Variants in CAPRIN2 observed in about 807,000 individuals in gnomAD.
CAPRIN2 encodes caprin-2.
In CAPRIN2, 66 loss-of-function variants were observed where a neutral mutation model predicts 130.4. That is an observed-to-expected ratio of 0.51 (90% CI 0.42 to 0.62). The LOEUF (loss-of-function observed/expected upper bound fraction) is 0.62, where lower values mean the gene tolerates loss of function less well. Ranked by LOEUF, CAPRIN2 falls within the 20% of genes least tolerant of loss-of-function variation. The pLI is 0.00. For synonymous variants in CAPRIN2, 471 were observed against 444.1 expected (o/e 1.06, Z -0.76); for missense variants, 1,185 against 1,246.6 (o/e 0.95, Z 0.74).
chr12:30,724,323 C>T (rs2060258852), intron 10 of CAPRIN2, 47 bp downstream of exon 11: 7 of 1,076,170 alleles, frequency 6.5e-6, no homozygotes, highest in Admixed American at 1.8e-5. Context: ...CAACAAATAG[C>T]TGTTAGCTCA....
chr12:30,753,316 T>C (rs757550660), intron 1 of CAPRIN2, 28 bp downstream of exon 2: 8 of 1,557,084 alleles, frequency 5.1e-6, no homozygotes, highest in Non-Finnish European at 7.0e-6. Context: ...AGATCATGCA[T>C]CTACAGGACT....
chr12:30,709,780 C>A, exon 17 of CAPRIN2: 1 of 1,133,030 alleles, frequency 8.8e-7, no homozygotes, highest in Non-Finnish European at 1.2e-6. Context: ...AAAGTAAGGA[C>A]CTCCTCCCTC....
chr12:30,720,932 A>G lies in CAPRIN2; in HGVS notation c.2044-17T>C. Reference sequence around the variant, plus strand: ...AGAAGTAGCCTAGACACAGGAAAATACAAAATATTGTAAAAGGCACATTTT... The same window carrying G: ...AGAAGTAGCCTAGACACAGGAAAATGCAAAATATTGTAAAAGGCACATTTT... On this transcript the variant is annotated splice_polypyrimidine_tract_variant and intron_variant, in intron 11 of 16. Coordinates refer to ENST00000298892, the Ensembl canonical transcript of CAPRIN2. 6.4e-7 allele frequency: 1 copy of G among 1,556,342 alleles called. No individual in the cohort carries two copies.
At position 30,710,412 on chromosome 12, in the gene CAPRIN2, G is replaced by A. The variant is rs201095477; in HGVS notation, c.2724C>T (p.Asn908=). The A allele has an allele frequency of 1.9e-6, 3 of 1,614,150 alleles. No individual in the cohort carries two copies. The highest frequency in any genetic ancestry group is 2.7e-5 in the African/African-American group (2 of 75,040). ...AGTCTCCTTGTCCAGAGTCACCACTGTTAAAGGTTTCGTTGTCTCTTTCTG... is the reference window on the plus strand; with the variant it reads ...AGTCTCCTTGTCCAGAGTCACCACTATTAAAGGTTTCGTTGTCTCTTTCTG... The change falls in exon 17 of 17, where the codon AAC becomes AAT. Residue 908 remains asparagine, a synonymous_variant. Transcript: ENST00000298892. The surrounding 1 kb of genome is among the most constrained non-coding windows in gnomAD (Gnocchi z 4.8).
At chr12:30,724,108 C>A (rs559141032) in intron 10 of CAPRIN2, among the ~76,000 whole-genome samples, 1 of 152,308 alleles carries the variant, frequency 6.6e-6, no homozygotes, top group South Asian at 2.1e-4. Flanking sequence ...CCACCAACAA[C>A]ATAAATTACA....
chr12:30,747,039 A>G (rs2070885229), intron 2 of CAPRIN2, among the ~76,000 whole-genome samples: 1 of 152,176 alleles, frequency 6.6e-6, no homozygotes. Context: ...GGTCTAATGC[A>G]GCTGATGACT....
chr12:30,715,712 A>G (rs2057323963), intron 13 of CAPRIN2: 1 of 217,486 alleles, frequency 4.6e-6, no homozygotes, highest in African/African-American at 2.4e-5. Flanking sequence ...AGCAGGCTAA[A>G]TACTCCAGAT....
At chr12:30,753,735 AATG>A (rs1386518376) in exon 1 of CAPRIN2, 1 of 1,612,298 alleles carries the variant, frequency 6.2e-7, no homozygotes, top group African/African-American at 1.3e-5. Flanking sequence ...CTCGAAACCC[AATG>A]ATGCTTGAGA....
At chr12:30,740,953 C>A in intron 3 of CAPRIN2, 67 bp downstream of exon 4, 2 of 912,192 alleles carry the variant, frequency 2.2e-6, no homozygotes, top group Non-Finnish European at 3.6e-6. Context: ...GACACTGACA[C>A]ACTGACATTT....
At chr12:30,746,680 C>A (rs1175903658) in intron 2 of CAPRIN2, among the ~76,000 whole-genome samples, 1 of 152,178 alleles carries the variant, frequency 6.6e-6, no homozygotes, top group African/African-American at 2.4e-5. Flanking sequence ...TAGTCTAGAA[C>A]AAGACCCTAA....
exon 1 of CAPRIN2, chr12:30,754,243 G>C (rs981222841): frequency 1.3e-5 from 2 of 156,240 alleles, no homozygotes; most frequent in African/African-American, 4.8e-5. Flanking sequence ...GTTTGGTTTA[G>C]ACTAGCCCAA....
At chr12:30,753,629 G>C in exon 1 of CAPRIN2, 1 of 1,614,170 alleles carries the variant, frequency 6.2e-7, no homozygotes, top group African/African-American at 1.3e-5. Flanking sequence ...GTGGGGGAAA[G>C]TTAAGTATAA....
chr12:30,739,696 C>G (rs2066497580), intron 3 of CAPRIN2, among the ~76,000 whole-genome samples: 2 of 144,010 alleles, frequency 1.4e-5, no homozygotes, highest in Admixed American at 1.4e-4. Context: ...GCCTGGGCGA[C>G]AGGGCAAGAC....
chr12:30,751,064 C>T lies in CAPRIN2; in HGVS notation c.483+7G>A. 4 of 1,609,424 alleles carry T rather than the reference C, an allele frequency of 2.5e-6. No homozygotes were observed. In the South Asian group the frequency reaches 4.4e-5, roughly 18 times the overall value. On this transcript the variant is annotated splice_region_variant and intron_variant, in intron 2 of 16. Transcript: ENST00000298892. ...CAAGTCTTACTAAAAGATCATAAGC[C>T]ACTTACCAACTGGTCTGGATTAAGA...
At chr12:30,713,786 C>T (rs1378697769) in exon 15 of CAPRIN2, 6 of 1,568,454 alleles carry the variant, frequency 3.8e-6, no homozygotes, top group Middle Eastern at 1.7e-4. Flanking sequence ...CTTACTTACC[C>T]TTTGGGAATA....
chr12:30,718,913 C>T (rs1300592719), intron 12 of CAPRIN2, among the ~76,000 whole-genome samples, 166 bp downstream of exon 14: 1 of 152,220 alleles, frequency 6.6e-6, no homozygotes, highest in Non-Finnish European at 1.5e-5. Flanking sequence ...ATTTCCTATT[C>T]TTCTGCCACA....
intron 2 of CAPRIN2, among the ~76,000 whole-genome samples, chr12:30,741,927 T>C (rs1249847876): frequency 6.6e-6 from 1 of 152,010 alleles, no homozygotes; most frequent in Non-Finnish European, 1.5e-5. Context: ...ATAAACAAAA[T>C]GTGGTACACC....
At chr12:30,723,358 A>C (rs765825205) in intron 10 of CAPRIN2, 44 bp from the exon 12 acceptor site, 3 of 1,374,186 alleles carry the variant, frequency 2.2e-6, no homozygotes, top group Non-Finnish European at 3.1e-6. Flanking sequence ...GGAAGACAAA[A>C]GCTTACGCAT....
At chr12:30,720,948 G>T in intron 11 of CAPRIN2, 33 bp from the exon 13 acceptor site, 1 of 1,448,082 alleles carries the variant, frequency 6.9e-7, no homozygotes, top group South Asian at 1.1e-5. Context: ...TATTGTAAAA[G>T]GCACATTTTG....
Sources: gnomAD v4.1 joint callset for allele counts (sites outside exome capture counted in the v4.1 genomes callset) on GRCh38, gnomAD v4.1.1 for gene constraint, Gnocchi (gnomAD v3.1) non-coding constraint, MANE v1.5 for transcripts, NCBI Gene and HGNC (gene_info 2026-07-23, HGNC 2026-07-21) for gene names.